ARID3C: variants seen among roughly 807,000 people sequenced by gnomAD.
ARID3C encodes the protein AT-rich interaction domain 3C.
Under a neutral mutation model 37.9 loss-of-function variants are expected in ARID3C, and 42 were observed. That is an observed-to-expected ratio of 1.11 (90% CI 0.87 to 1.43). The LOEUF (loss-of-function observed/expected upper bound fraction) is 1.43. Ranked by LOEUF, ARID3C falls within the 40% of genes most tolerant of loss-of-function variation. ARID3C has a pLI of 0.00. For synonymous variants in ARID3C, 213 were observed against 228.0 expected (o/e 0.93, Z 0.59); for missense variants, 581 against 548.8 (o/e 1.06, Z -0.59).
At chr9:34,622,076 C>T (rs756227110) in exon 6 of ARID3C, 10 of 1,614,136 alleles carry the variant, frequency 6.2e-6, no homozygotes, top group Admixed American at 3.3e-5. Context: ...GATGCCACTG[C>T]CTGCCAGATT....
At chr9:34,631,167 G>C (rs952244773), upstream of ARID3C, among the ~76,000 whole-genome samples, 4 of 152,180 alleles carry the variant, frequency 2.6e-5, no homozygotes, top group Non-Finnish European at 5.9e-5. Context: ...GGTGGCCAGA[G>C]TCTTCCTAGA....
In ARID3C at chr9:34,627,872, A is replaced by G. The variant is rs368164274; in HGVS notation, c.143T>C (p.Val48Ala). ...AGCATCTTCCTCTTCCTCAGCCCCA[A>G]CATTCCCCAAGGCCCCCTCAGGGGC... is the stretch of plus-strand genomic sequence containing the variant. The change falls in exon 1 of 7, where the codon GTT (valine) becomes GCT (alanine). Residue 48 changes from valine to alanine, a missense_variant. Transcript: ENST00000378909. 39 of 1,579,002 alleles carry G rather than the reference A, an allele frequency of 2.5e-5. No individual in the cohort carries two copies. The African/African-American group carries it at 5.1e-4, about 21-fold the overall frequency.
chr9:34,626,896 A>C (rs777638784), intron 1 of ARID3C, among the ~76,000 whole-genome samples: 3 of 152,122 alleles, frequency 2.0e-5, no homozygotes, highest in Non-Finnish European at 4.4e-5. Context: ...AACACCCTAC[A>C]AGTACCAGAA....
intron 1 of ARID3C, 89 bp downstream of exon 2, chr9:34,627,608 G>T: frequency 8.3e-7 from 1 of 1,199,858 alleles, no homozygotes; most frequent in Non-Finnish European, 1.2e-6. Flanking sequence ...AGGGTGGTGG[G>T]GGTGGGTGGG....
intron 1 of ARID3C, 117 bp from the exon 3 acceptor site, chr9:34,625,931 A>G (rs1820649178): frequency 8.7e-7 from 1 of 1,150,322 alleles, no homozygotes; most frequent in Admixed American, 2.1e-5. Context: ...TAGGATCTCA[A>G]TGTGGACTCC....
upstream of ARID3C, among the ~76,000 whole-genome samples, chr9:34,629,554 G>C (rs73499097): frequency 0.012 from 1,775 of 152,254 alleles, 31 homozygotes; most frequent in African/African-American, 0.041. Flanking sequence ...CCCTGCCTAC[G>C]TGCTGTCCCC....
intron 1 of ARID3C, among the ~76,000 whole-genome samples, chr9:34,627,071 A>C (rs1587217989): frequency 6.6e-6 from 1 of 152,206 alleles, no homozygotes; most frequent in African/African-American, 2.4e-5. Flanking sequence ...CCCTTTAGTC[A>C]TACTGCGGCT....
chr9:34,622,268 T>G (rs1352222535), intron 5 of ARID3C, 79 bp downstream of exon 6: 1 of 1,569,900 alleles, frequency 6.4e-7, no homozygotes, highest in Non-Finnish European at 8.7e-7. Flanking sequence ...CTGCCCCGTC[T>G]CTAACACCTA....
At chr9:34,623,594 A>T (rs763538155) in exon 4 of ARID3C, 2 of 1,609,310 alleles carry the variant, frequency 1.2e-6, no homozygotes, top group South Asian at 2.2e-5. Flanking sequence ...CGAAGAGCGG[A>T]GTAGCGGTGT....
At chr9:34,628,146 G>A (rs1820685030), upstream of ARID3C, 3 of 1,258,724 alleles carry the variant, frequency 2.4e-6, no homozygotes, top group Non-Finnish European at 3.2e-6. This position sits in a 1 kb window ranked among gnomAD's most constrained non-coding sequence, Gnocchi z 5.2. Context: ...CCCAACACAG[G>A]GGGAGGTGGT....
chr9:34,621,439 T>A, exon 7 of ARID3C: 1 of 1,477,390 alleles, frequency 6.8e-7, no homozygotes, highest in Non-Finnish European at 9.0e-7. Flanking sequence ...CTGGGACTCT[T>A]AGTTTCAAGT....
At chr9:34,629,147 C>T (rs1486240891), upstream of ARID3C, among the ~76,000 whole-genome samples, 1 of 152,152 alleles carries the variant, frequency 6.6e-6, no homozygotes, top group East Asian at 1.9e-4. Context: ...TGGGATCTGC[C>T]GCTCTCAGCT....
exon 6 of ARID3C, chr9:34,622,060 A>C (rs771028918): frequency 6.2e-7 from 1 of 1,613,958 alleles, no homozygotes; most frequent in Non-Finnish European, 8.5e-7. Flanking sequence ...CCATGTTGAT[A>C]CTGCTGATGC....
intron 1 of ARID3C, among the ~76,000 whole-genome samples, chr9:34,626,031 C>T (rs12684361): frequency 6.6e-6 from 1 of 152,198 alleles, no homozygotes; most frequent in Non-Finnish European, 1.5e-5. Flanking sequence ...TAGTGGTACC[C>T]TGGGCCATTC....
intron 4 of ARID3C, among the ~76,000 whole-genome samples, chr9:34,622,859 C>A (rs964944439): frequency 5.3e-5 from 8 of 152,108 alleles, no homozygotes; most frequent in Admixed American, 5.2e-4. Context: ...ATTAAAGGAC[C>A]TTTTCCTGGC....
rs138685160 is a variant in ARID3C at position 34,622,004 on chromosome 9, C to T, written c.1138+16G>A. ...CCTGACCCCATGCCAGTGTAGACAGCCTGCAGTACCCATACCAGTGTAGAC... is the reference window on the plus strand; with the variant it reads ...CCTGACCCCATGCCAGTGTAGACAGTCTGCAGTACCCATACCAGTGTAGAC... On this transcript the variant is annotated intron_variant, in intron 6 of 6. Coordinates refer to ENST00000378909, the Ensembl canonical transcript of ARID3C. 5 of 1,612,906 alleles carry T rather than the reference C, an allele frequency of 3.1e-6. No homozygotes were observed. Among genetic ancestry groups the T allele is most frequent in the East Asian group, 2.2e-5 (1 of 44,882 alleles).
At chr9:34,623,674 C>T in exon 4 of ARID3C, 1 of 1,579,954 alleles carries the variant, frequency 6.3e-7, no homozygotes, top group South Asian at 1.1e-5. Flanking sequence ...GAGCTGAGCG[C>T]TCGAGTCTCG....
At chr9:34,621,470 G>C in exon 7 of ARID3C, 1 of 1,528,694 alleles carries the variant, frequency 6.5e-7, no homozygotes, top group South Asian at 1.3e-5. Flanking sequence ...AGGGCAAGAT[G>C]CTGGAAGGGG....
In ARID3C at chr9:34,624,030, C is replaced by G. The variant is rs1267946515; in HGVS notation, c.409G>C (p.Val137Leu). 2 of 1,594,532 alleles carry G rather than the reference C, an allele frequency of 1.3e-6. No individual in the cohort carries two copies. The highest frequency in any genetic ancestry group is 1.1e-5 in the South Asian group (1 of 89,086). Residue 137 changes from valine (V) to leucine (L), a missense_variant, in exon 3 of 7, where the codon GTG becomes CTG. Transcript: ENST00000378909. ...AGCACCTGCTTCGCCATGATGGGCA[C>G]GCGGTTCACTGGCGTCCCTGGTGGG...
Sources: gnomAD v4.1 joint callset for allele counts (sites outside exome capture counted in the v4.1 genomes callset) on GRCh38, gnomAD v4.1.1 for gene constraint, Gnocchi (gnomAD v3.1) non-coding constraint, MANE v1.5 for transcripts, NCBI Gene and HGNC (gene_info 2026-07-23, HGNC 2026-07-21) for gene names.